The following PRKRIP1 variants were observed in gnomAD, a reference collection of about 807,000 sequenced individuals.
PRKRIP1 encodes the protein PRKR interacting protein 1, also known as PRKR-interacting protein 1.
A neutral mutation model predicts 29.3 loss-of-function variants in PRKRIP1; 29 were observed. The observed-to-expected ratio is 0.99, with a 90% CI of 0.74 to 1.35. PRKRIP1 has a LOEUF of 1.35. Among genes scored for constraint, PRKRIP1 ranks in the 40% most tolerant of loss-of-function variants. The probability of loss-of-function intolerance (pLI) is 0.00; values close to 1 mark genes in which losing one functional copy is unlikely to be tolerated. For synonymous variants in PRKRIP1, 90 were observed against 85.1 expected, an observed-to-expected ratio of 1.06 and a Z score of -0.32; for missense variants, 247 against 236.8, an observed-to-expected ratio of 1.04 and a Z score of -0.28.
Position 102,425,185 on chromosome 7 carries a change from T to C in PRKRIP1, c.*74T>C. On this transcript the variant is annotated 3_prime_UTR_variant, in exon 6 of 6. Coordinates refer to ENST00000397912, the MANE Select transcript of PRKRIP1 (RefSeq NM_024653.4). ...GAAGGGAAAGGCGGCTGTTTGGCTC[T>C]TTCTCCCCCGCAAGGACCCGCTGAC... is the stretch of plus-strand genomic sequence containing the variant. 1 of 1,545,748 alleles carries C rather than the reference T, an allele frequency of 6.5e-7. No individual in the cohort carries two copies. Among genetic ancestry groups the C allele is most frequent in the East Asian group, 2.4e-5 (1 of 41,788 alleles).
chr7:102,406,235 G>T (rs1563615435), intron 4 of PRKRIP1, among the ~76,000 whole-genome samples: 1 of 152,136 alleles, frequency 6.6e-6, no homozygotes, highest in Non-Finnish European at 1.5e-5. Flanking sequence ...AAGCTGTAGT[G>T]GATCAGTCCA....
chr7:102,416,149 C>T (rs782093175), intron 5 of PRKRIP1, among the ~76,000 whole-genome samples: 16 of 152,272 alleles, frequency 1.1e-4, no homozygotes, highest in Non-Finnish European at 1.3e-4. Flanking sequence ...GTGCCCTTGG[C>T]TGCAGGCCCT....
At chr7:102,421,534 C>T (rs536141083) in intron 5 of PRKRIP1, among the ~76,000 whole-genome samples, 1 of 152,110 alleles carries the variant, frequency 6.6e-6, no homozygotes, top group Admixed American at 6.6e-5. Context: ...TGTGGTGGTT[C>T]ACGCCTGTAA....
At chr7:102,408,714 T>A (rs1796296400) in intron 5 of PRKRIP1, among the ~76,000 whole-genome samples, 1 of 152,212 alleles carries the variant, frequency 6.6e-6, no homozygotes, top group East Asian at 1.9e-4. Flanking sequence ...TTCATTGACG[T>A]ATTAAAATAG....
At chr7:102,413,443 A>T (rs1796447507) in intron 5 of PRKRIP1, among the ~76,000 whole-genome samples, 1 of 152,198 alleles carries the variant, frequency 6.6e-6, no homozygotes, top group Non-Finnish European at 1.5e-5. Context: ...GAAATTTTTA[A>T]AATATGCAGA....
intron 5 of PRKRIP1, among the ~76,000 whole-genome samples, chr7:102,417,620 CTTTTT>C (rs1276644958): frequency 2.4e-5 from 3 of 127,408 alleles, no homozygotes; most frequent in Admixed American, 8.0e-5. Context: ...TTGTGGGTAC[CTTTTT>C]TTTTTTTTTT....
intron 1 of PRKRIP1, 116 bp from the exon 2 acceptor site, chr7:102,397,504 C>T (rs1173761293): frequency 1.3e-6 from 1 of 778,908 alleles, no homozygotes; most frequent in Non-Finnish European, 2.2e-6. Context: ...TCTGATTGCA[C>T]CACTGCACTC....
intron 5 of PRKRIP1, among the ~76,000 whole-genome samples, chr7:102,415,915 C>G (rs1796523646): frequency 6.6e-6 from 1 of 152,270 alleles, no homozygotes; most frequent in South Asian, 2.1e-4. Flanking sequence ...CTGTTCACTC[C>G]CTTCCACATG....
chr7:102,422,093 C>T (rs542559153), intron 5 of PRKRIP1, among the ~76,000 whole-genome samples: 5 of 151,466 alleles, frequency 3.3e-5, no homozygotes, highest in East Asian at 1.9e-4. Context: ...GAGAGATAGA[C>T]GCCTTTGCTT....
At chr7:102,419,493 A>G (rs1796635265) in intron 5 of PRKRIP1, among the ~76,000 whole-genome samples, 2 of 152,194 alleles carry the variant, frequency 1.3e-5, no homozygotes, top group Non-Finnish European at 2.9e-5. Flanking sequence ...AGTACCATGT[A>G]TCCACCACTG....
intron 4 of PRKRIP1, among the ~76,000 whole-genome samples, 158 bp from the exon 5 acceptor site, chr7:102,407,276 G>A (rs564161834): frequency 3.3e-5 from 5 of 151,626 alleles, no homozygotes; most frequent in South Asian, 2.1e-4. Flanking sequence ...ATGCAAAAAC[G>A]GCAATTACTT....
At chr7:102,417,101 C>T (rs567698099) in intron 5 of PRKRIP1, among the ~76,000 whole-genome samples, 5 of 152,112 alleles carry the variant, frequency 3.3e-5, no homozygotes, top group South Asian at 4.2e-4. Context: ...GTGATCCACC[C>T]GCCTCAGCCT....
chr7:102,413,002 A>G (rs1416013354), intron 5 of PRKRIP1, among the ~76,000 whole-genome samples: 4 of 152,216 alleles, frequency 2.6e-5, no homozygotes, highest in African/African-American at 2.4e-5. Context: ...CTGCCCATCA[A>G]AGAAATCCAG....
intron 5 of PRKRIP1, among the ~76,000 whole-genome samples, chr7:102,414,892 G>GA (rs374425625): frequency 1.4e-4 from 20 of 146,708 alleles, no homozygotes; most frequent in East Asian, 4.0e-4. Flanking sequence ...TCTCAAAAAG[G>GA]AAAAAAAAAA....
intron 5 of PRKRIP1, 146 bp from the exon 6 acceptor site, chr7:102,424,866 GAC>G (rs1796793041): frequency 2.8e-6 from 2 of 718,640 alleles, no homozygotes; most frequent in Non-Finnish European, 2.2e-6. Context: ...TGGCTCAGAG[GAC>G]TGGTGGACGT....
intron 4 of PRKRIP1, 68 bp from the exon 5 acceptor site, chr7:102,407,366 G>C (rs1425048608): frequency 5.4e-6 from 5 of 918,698 alleles, no homozygotes; most frequent in Admixed American, 4.0e-5. Flanking sequence ...ACCATAAGGA[G>C]GTGTTTATTT....
chr7:102,411,814 T>TG (rs1796391278), intron 5 of PRKRIP1, among the ~76,000 whole-genome samples: 1 of 144,294 alleles, frequency 6.9e-6, no homozygotes, highest in Admixed American at 7.3e-5. Context: ...CTGTTTTTTT[T>TG]TTTGTTTGTT....
At chr7:102,414,865 G>A (rs1313184890) in intron 5 of PRKRIP1, among the ~76,000 whole-genome samples, 3 of 151,836 alleles carry the variant, frequency 2.0e-5, no homozygotes, top group Non-Finnish European at 4.4e-5. Context: ...TAGCCTGGGT[G>A]ACAGAGCGAG....
chr7:102,397,317 A>G (rs1172977589), intron 1 of PRKRIP1, among the ~76,000 whole-genome samples: 1 of 151,790 alleles, frequency 6.6e-6, no homozygotes, highest in Non-Finnish European at 1.5e-5. Flanking sequence ...GCCAGGCGGG[A>G]GGATGGTCCG....
Sources: allele counts gnomAD v4.1 joint callset (sites outside exome capture counted in the v4.1 genomes callset), GRCh38; gene constraint gnomAD v4.1.1; transcripts MANE v1.5; gene names NCBI Gene and HGNC (gene_info 2026-07-23, HGNC 2026-07-21).